ARHGAP20: variants seen among roughly 807,000 people sequenced by gnomAD.
The protein encoded by ARHGAP20 is Rho GTPase activating protein 20.
A neutral mutation model predicts 73.7 loss-of-function variants in ARHGAP20; 34 were observed. The observed-to-expected ratio is 0.46, with a 90% CI of 0.35 to 0.61. The LOEUF (loss-of-function observed/expected upper bound fraction) is 0.61. Among genes scored for constraint, ARHGAP20 ranks in the 20% least tolerant of loss-of-function variants. ARHGAP20 has a pLI of 0.00. For synonymous variants in ARHGAP20, 523 were observed against 518.2 expected, an observed-to-expected ratio of 1.01 and a Z score of -0.13; for missense variants, 1,314 against 1,420.9, an observed-to-expected ratio of 0.92 and a Z score of 1.21.
chr11:110,680,043 C>T (rs550775851), intron 2 of ARHGAP20, among the ~76,000 whole-genome samples: 23 of 152,162 alleles, frequency 1.5e-4, no homozygotes, highest in Non-Finnish European at 2.8e-4. Context: ...CTGGAACACT[C>T]GGCAAATTAG....
At chr11:110,589,389 A>AT in intron 11 of ARHGAP20, 1 of 984,308 alleles carries the variant, frequency 1.0e-6, no homozygotes, top group African/African-American at 1.7e-5. Context: ...ATCTGATTGT[A>AT]TATAAAGTCA....
chr11:110,690,688 A>C (rs1034312118), intron 1 of ARHGAP20, 59 bp from the exon 2 acceptor site: 2 of 1,513,174 alleles, frequency 1.3e-6, no homozygotes, highest in African/African-American at 2.8e-5. Context: ...GACAATGTTG[A>C]TTTTTTTTTA....
chr11:110,646,930 A>G (rs1949206381), intron 2 of ARHGAP20, among the ~76,000 whole-genome samples: 1 of 152,156 alleles, frequency 6.6e-6, no homozygotes, highest in South Asian at 2.1e-4. Context: ...GAGTGGAAGC[A>G]CATAACAGAT....
intron 4 of ARHGAP20, among the ~76,000 whole-genome samples, chr11:110,617,234 T>C (rs553341819): frequency 4.2e-4 from 64 of 152,122 alleles, no homozygotes; most frequent in Non-Finnish European, 7.8e-4. Flanking sequence ...TAGTTTTAGA[T>C]AATTCATTCT....
Position 110,577,128 on chromosome 11 carries a change from C to T in ARHGAP20, c.*2242G>A, listed in dbSNP as rs1301532999. 1 of 1,534,428 alleles carries T rather than the reference C, an allele frequency of 6.5e-7. No homozygotes were observed. Among genetic ancestry groups the T allele is most frequent in the South Asian group, 1.2e-5 (1 of 83,760 alleles). ...CATTATCAGTGCCTTGAAAACCAAA[C>T]AACTTTAAAAGTTAGCAGCAGTTTC... On this transcript the variant is annotated 3_prime_UTR_variant, in exon 15 of 15. Transcript: ENST00000683387.
At chr11:110,698,633 G>A (rs1416803586) in intron 1 of ARHGAP20, among the ~76,000 whole-genome samples, 1 of 151,698 alleles carries the variant, frequency 6.6e-6, no homozygotes, top group Non-Finnish European at 1.5e-5. Flanking sequence ...ATTTCTTGCT[G>A]GCTCAATCAT....
Position 110,581,088 on chromosome 11 carries a change from G to C in ARHGAP20, c.1858C>G (p.Leu620Val). 6.2e-7 allele frequency: 1 copy of C among 1,614,210 alleles called. No homozygotes were observed. The highest frequency in any genetic ancestry group is 8.5e-7 in the Non-Finnish European group (1 of 1,180,028). The part of the protein sequence containing the change: ...GSRSMDSVLT[L>V]SDYDLDQPEV... ...GGCTGGTCAAGATCATAGTCACTGA[G>C]GGTTAAGACAGAGTCCATGCTTCTG... The change falls in exon 15 of 15, where the codon CTC (leucine) becomes GTC (valine). Residue 620 changes from leucine (L) to valine (V), a missense_variant. Physicochemically the swap from Leu to Val is conservative, Grantham distance 32. This residue lies in a region of ARHGAP20 where 230 missense variants were observed against 317.6 expected (regional missense o/e 0.72). Coordinates refer to ENST00000683387, the MANE Select transcript of ARHGAP20 (RefSeq NM_001384657.1).
At chr11:110,685,919 AT>A (rs1230117860) in intron 2 of ARHGAP20, among the ~76,000 whole-genome samples, 9 of 151,870 alleles carry the variant, frequency 5.9e-5, no homozygotes, top group Non-Finnish European at 1.2e-4. Flanking sequence ...GATAGAAACG[AT>A]TTTGGGGGAA....
At chr11:110,616,487 G>C (rs1443260295) in intron 4 of ARHGAP20, among the ~76,000 whole-genome samples, 1 of 152,072 alleles carries the variant, frequency 6.6e-6, no homozygotes. Flanking sequence ...GATCACGCTG[G>C]CTCAGCCTTT....
chr11:110,604,124 T>C (rs1256908163), intron 9 of ARHGAP20, among the ~76,000 whole-genome samples: 2 of 152,190 alleles, frequency 1.3e-5, no homozygotes, highest in Non-Finnish European at 2.9e-5. Context: ...TTTGCAATAC[T>C]GATCTGCAAA....
chr11:110,699,207 T>G (rs1027125456), intron 1 of ARHGAP20, among the ~76,000 whole-genome samples: 1 of 151,840 alleles, frequency 6.6e-6, no homozygotes, highest in African/African-American at 2.4e-5. Context: ...CCATGTAGTG[T>G]GTGTTTATGA....
At chr11:110,643,428 G>C (rs986482568) in intron 2 of ARHGAP20, among the ~76,000 whole-genome samples, 1 of 152,042 alleles carries the variant, frequency 6.6e-6, no homozygotes, top group Non-Finnish European at 1.5e-5. Flanking sequence ...TCTTAACACT[G>C]CTTCAGCTGC....
intron 5 of ARHGAP20, 149 bp downstream of exon 5, chr11:110,615,404 T>C: frequency 4.9e-6 from 3 of 613,106 alleles, no homozygotes; most frequent in Admixed American, 3.3e-5. Context: ...AAGTAGCTAG[T>C]GTACGATATA....
intron 2 of ARHGAP20, among the ~76,000 whole-genome samples, chr11:110,666,521 A>G (rs1028285214): frequency 6.6e-6 from 1 of 152,208 alleles, no homozygotes; most frequent in African/African-American, 2.4e-5. Context: ...AAAGTAGACT[A>G]ACACTTACAT....
At chr11:110,627,959 G>T (rs1471225739) in intron 3 of ARHGAP20, among the ~76,000 whole-genome samples, 3 of 152,146 alleles carry the variant, frequency 2.0e-5, no homozygotes, top group African/African-American at 7.2e-5. Flanking sequence ...GTATGGAAAA[G>T]AATTACCATA....
intron 4 of ARHGAP20, among the ~76,000 whole-genome samples, chr11:110,617,010 T>C (rs1400622028): frequency 6.6e-6 from 1 of 152,180 alleles, no homozygotes; most frequent in Non-Finnish European, 1.5e-5. Context: ...CACAGTCACA[T>C]AAACCAGCAC....
At chr11:110,677,847 C>A (rs1949963723) in intron 2 of ARHGAP20, among the ~76,000 whole-genome samples, 8 of 152,060 alleles carry the variant, frequency 5.3e-5, no homozygotes, top group Admixed American at 5.2e-4. Flanking sequence ...ATTAGTGTTA[C>A]CGTAAGACCC....
At chr11:110,631,845 C>G (rs1377243968) in intron 2 of ARHGAP20, among the ~76,000 whole-genome samples, 1 of 152,148 alleles carries the variant, frequency 6.6e-6, no homozygotes, top group African/African-American at 2.4e-5. Flanking sequence ...CTCCTTATAC[C>G]AGTCAATCCT....
intron 2 of ARHGAP20, among the ~76,000 whole-genome samples, chr11:110,660,517 T>A (rs550063537): frequency 2.7e-4 from 41 of 152,218 alleles, no homozygotes; most frequent in African/African-American, 9.9e-4. Flanking sequence ...AGGTCAACCT[T>A]TTTATTCATA....
Sources: allele counts gnomAD v4.1 joint callset (sites outside exome capture counted in the v4.1 genomes callset), GRCh38; gene constraint gnomAD v4.1.1; regional missense constraint gnomAD v4.1.1; transcripts MANE v1.5; gene names NCBI Gene and HGNC (gene_info 2026-07-23, HGNC 2026-07-21).